Variants in LINGO2 observed in about 807,000 individuals in gnomAD.
The protein encoded by LINGO2 is leucine rich repeat and Ig domain containing 2, also known as leucine-rich repeat and immunoglobulin-like domain-containing nogo receptor-interacting protein 2.
LINGO2 carries 14 observed loss-of-function variants against 30.6 expected under a neutral mutation model. The observed-to-expected ratio is 0.46, with a 90% CI of 0.30 to 0.72. LINGO2 has a LOEUF of 0.72. Ranked by LOEUF, LINGO2 falls within the 30% of genes least tolerant of loss-of-function variation. LINGO2 has a pLI of 0.07. For missense variants in LINGO2, 729 were observed against 751.7 expected, an observed-to-expected ratio of 0.97 and a Z score of 0.35; for synonymous variants, 317 against 288.5, an observed-to-expected ratio of 1.10 and a Z score of -1.00.
intron 3 of LINGO2, among the ~76,000 whole-genome samples, chr9:28,355,305 C>CTG (rs1820137135): frequency 7.8e-5 from 2 of 25,718 alleles, no homozygotes; most frequent in Non-Finnish European, 1.2e-4. Context: ...CTATGTCTCT[C>CTG]TCTCTCTCTC....
intron 3 of LINGO2, among the ~76,000 whole-genome samples, chr9:28,366,114 A>T (rs1225465684): frequency 6.6e-6 from 1 of 152,116 alleles, no homozygotes; most frequent in Non-Finnish European, 1.5e-5. Flanking sequence ...AAACAGTCGG[A>T]GCCTGTTCCT....
chr9:28,075,553 A>G (rs912399506), intron 4 of LINGO2, among the ~76,000 whole-genome samples: 4 of 151,894 alleles, frequency 2.6e-5, no homozygotes, highest in Non-Finnish European at 4.4e-5. Context: ...TTTCTCCACA[A>G]TCTCATCAAG....
intron 1 of LINGO2, among the ~76,000 whole-genome samples, chr9:28,509,807 G>C (rs138836001): frequency 9.7e-4 from 147 of 152,272 alleles, no homozygotes; most frequent in African/African-American, 3.3e-3. Context: ...CATTGTTTTA[G>C]TCATACAGTC....
At chr9:28,532,024 C>A (rs565342050) in intron 1 of LINGO2, among the ~76,000 whole-genome samples, 1 of 152,108 alleles carries the variant, frequency 6.6e-6, no homozygotes, top group East Asian at 1.9e-4. Context: ...TTTTACAAAC[C>A]GGTAACGTTC....
At chr9:28,495,732 T>C (rs984984204) in intron 1 of LINGO2, among the ~76,000 whole-genome samples, 5 of 152,218 alleles carry the variant, frequency 3.3e-5, no homozygotes, top group African/African-American at 1.2e-4. Context: ...GCTTCTCTAG[T>C]TCTTTTAATT....
At chr9:28,698,506 C>T in the LINGO2 span, among the ~76,000 whole-genome samples, 1 of 151,994 alleles carries the variant, frequency 6.6e-6, no homozygotes, top group Non-Finnish European at 1.5e-5. Context: ...TTTAAATCAT[C>T]TAGCACAAAA....
At chr9:28,575,271 G>A (rs1028067513) in intron 1 of LINGO2, among the ~76,000 whole-genome samples, 13 of 151,832 alleles carry the variant, frequency 8.6e-5, no homozygotes, top group Admixed American at 3.3e-4. Context: ...AGTGGCGGGC[G>A]CCTGTAATCC....
chr9:28,161,708 G>A (rs949904851), intron 4 of LINGO2, among the ~76,000 whole-genome samples: 2 of 151,956 alleles, frequency 1.3e-5, no homozygotes, highest in African/African-American at 4.8e-5. Context: ...GCAGAATTCA[G>A]TCACCTATAA....
chr9:28,659,995 A>G (rs1430759999), intron 1 of LINGO2, among the ~76,000 whole-genome samples: 2 of 152,320 alleles, frequency 1.3e-5, no homozygotes, highest in African/African-American at 4.8e-5. Flanking sequence ...GAAAAATGTC[A>G]GATAGAAAAA....
At chr9:28,781,346 T>C in the LINGO2 span, among the ~76,000 whole-genome samples, 3 of 152,110 alleles carry the variant, frequency 2.0e-5, no homozygotes, top group Non-Finnish European at 4.4e-5. Flanking sequence ...GTATCCAAGG[T>C]ATGCATTCAA....
Position 28,343,153 on chromosome 9 carries a change from T to C in LINGO2, c.-246+29683A>G, listed in dbSNP as rs910248141. On this transcript the variant is annotated intron_variant, in intron 3 of 5. Coordinates refer to ENST00000379992, the Ensembl canonical transcript of LINGO2. Reference sequence around the variant, plus strand: ...TAGCCTGAGGTCAAACAGATAAGTGTTGTCTGTTTAGAAATCTAGAATATC... The same window carrying C: ...TAGCCTGAGGTCAAACAGATAAGTGCTGTCTGTTTAGAAATCTAGAATATC... 1.3e-5 allele frequency among the ~76,000 whole-genome samples: 2 copies of C among 152,170 alleles called. 1 individual carries two copies. Among genetic ancestry groups the C allele is most frequent in the African/African-American group, 4.8e-5 (2 of 41,440 alleles).
At chr9:28,365,449 C>T (rs16912745) in intron 3 of LINGO2, among the ~76,000 whole-genome samples, 22,055 of 152,078 alleles carry the variant, frequency 0.15, 1,776 homozygotes, top group African/African-American at 0.2. Flanking sequence ...TTCAAACAGG[C>T]TGTATAGTGA....
At chr9:28,703,960 A>T in the LINGO2 span, among the ~76,000 whole-genome samples, 1 of 151,942 alleles carries the variant, frequency 6.6e-6, no homozygotes, top group African/African-American at 2.4e-5. Context: ...ATACATTGTT[A>T]CCTGTTAGGT....
intron 2 of LINGO2, among the ~76,000 whole-genome samples, chr9:28,412,392 G>A (rs1386496187): frequency 6.6e-6 from 1 of 151,874 alleles, no homozygotes; most frequent in African/African-American, 2.4e-5. Context: ...GAATAGGGTT[G>A]TTTATCTGAA....
the LINGO2 span, among the ~76,000 whole-genome samples, chr9:28,879,425 A>G: frequency 6.6e-6 from 1 of 152,206 alleles, no homozygotes; most frequent in Non-Finnish European, 1.5e-5. Context: ...AGTGATAATA[A>G]GAAACCTTCC....
At chr9:28,065,153 T>A (rs1427348018) in intron 4 of LINGO2, among the ~76,000 whole-genome samples, 1 of 151,678 alleles carries the variant, frequency 6.6e-6, no homozygotes, top group Non-Finnish European at 1.5e-5. Flanking sequence ...GGAGTGGGAT[T>A]GGGAGAGATC....
chr9:28,395,462 T>C (rs1822001124), intron 2 of LINGO2, among the ~76,000 whole-genome samples: 3 of 152,094 alleles, frequency 2.0e-5, no homozygotes, highest in Admixed American at 2.0e-4. Context: ...TTGCATAAAG[T>C]ATATTTCAAA....
chr9:28,027,068 A>C (rs1823414297), intron 4 of LINGO2, among the ~76,000 whole-genome samples: 1 of 152,172 alleles, frequency 6.6e-6, no homozygotes, highest in Admixed American at 6.5e-5. Flanking sequence ...AACAAACTTG[A>C]CCTGTTGTTG....
chr9:29,034,554 T>C, the LINGO2 span, among the ~76,000 whole-genome samples: 1 of 152,100 alleles, frequency 6.6e-6, no homozygotes, highest in Non-Finnish European at 1.5e-5. Flanking sequence ...TTTGGAGAGG[T>C]ACATTCCTAA....
Sources: gnomAD v4.1 joint callset for allele counts (sites outside exome capture counted in the v4.1 genomes callset) on GRCh38, gnomAD v4.1.1 for gene constraint, MANE v1.5 for transcripts, NCBI Gene and HGNC (gene_info 2026-07-23, HGNC 2026-07-21) for gene names.